KIFAP3: variants seen among roughly 807,000 people sequenced by gnomAD.
The protein encoded by KIFAP3 is kinesin-associated protein 3.
A neutral mutation model predicts 106.5 loss-of-function variants in KIFAP3; 68 were observed. The observed-to-expected ratio is 0.64, with a 90% confidence interval of 0.53 to 0.78. The LOEUF (loss-of-function observed/expected upper bound fraction) is 0.78, where lower values mean the gene tolerates loss of function less well. KIFAP3 is among the 30% of genes least tolerant of loss of function. KIFAP3 has a pLI of 0.00. For missense variants in KIFAP3, 780 were observed against 941.8 expected (o/e 0.83, Z 2.25); for synonymous variants, 320 against 311.5 (o/e 1.03, Z -0.29).
intron 1 of KIFAP3, among the ~76,000 whole-genome samples, chr1:170,064,999 G>A (rs1557876086): frequency 6.6e-6 from 1 of 152,044 alleles, no homozygotes; most frequent in Non-Finnish European, 1.5e-5. Flanking sequence ...AATTAGTTGA[G>A]GAGTATCCTT....
intron 3 of KIFAP3, chr1:170,041,949 G>A: frequency 9.9e-7 from 1 of 1,012,846 alleles, no homozygotes; most frequent in Non-Finnish European, 1.3e-6. Flanking sequence ...ATGAAACCTG[G>A]TTTTAGAGTT....
At chr1:170,006,865 A>G (rs1667992902) in intron 10 of KIFAP3, among the ~76,000 whole-genome samples, 1 of 152,166 alleles carries the variant, frequency 6.6e-6, no homozygotes, top group Non-Finnish European at 1.5e-5. Context: ...ACATCCGTAT[A>G]GGCAGAGTAT....
intron 2 of KIFAP3, among the ~76,000 whole-genome samples, chr1:170,054,305 G>A (rs961801476): frequency 2.0e-5 from 3 of 152,206 alleles, no homozygotes; most frequent in Non-Finnish European, 2.9e-5. Flanking sequence ...ACCATCTCAC[G>A]CCAGTTAGAA....
chr1:170,067,662 A>C (rs74585450), intron 1 of KIFAP3: 9,642 of 152,330 alleles, frequency 0.063, 387 homozygotes, highest in Non-Finnish European at 0.095. Context: ...CTTTGAGGTC[A>C]GCTGCAAGGG....
chr1:169,956,634 A>T (rs1665028210), intron 18 of KIFAP3, among the ~76,000 whole-genome samples: 2 of 134,592 alleles, frequency 1.5e-5, no homozygotes, highest in Non-Finnish European at 3.2e-5. Context: ...TTTTTTTTAG[A>T]CACAGGGTCT....
intron 19 of KIFAP3, among the ~76,000 whole-genome samples, chr1:169,935,599 G>C (rs1199828125): frequency 6.6e-6 from 1 of 151,894 alleles, no homozygotes; most frequent in Non-Finnish European, 1.5e-5. Flanking sequence ...AGGAAATTAT[G>C]TTCCTGTTTA....
intron 8 of KIFAP3, among the ~76,000 whole-genome samples, chr1:170,025,738 T>C (rs1320226942): frequency 2.0e-5 from 3 of 152,218 alleles, no homozygotes; most frequent in Non-Finnish European, 4.4e-5. Flanking sequence ...AATTCAAGTC[T>C]ATCAGAATCC....
chr1:170,001,266 T>C (rs1667655048), intron 10 of KIFAP3, among the ~76,000 whole-genome samples: 1 of 152,178 alleles, frequency 6.6e-6, no homozygotes, highest in African/African-American at 2.4e-5. Flanking sequence ...GACTGCTTTC[T>C]AGCCTGTATG....
rs766283329 is a variant in KIFAP3, at chr1:170,024,472, T to C, written c.966A>G (p.Leu322=). 3.1e-6 allele frequency: 5 copies of C among 1,603,198 alleles called. No individual in the cohort carries two copies. The Admixed American group carries it at 8.5e-5, about 27-fold the overall frequency. ...LDRDNFELLI[L]VVSFLKKLSI... The stretch of plus-strand genomic sequence containing the variant: ...TGAGTTTCTTCAAGAATGACACAAC[T>C]AAAATTAGCAGCTCAAAATTGTCCC... The change falls in exon 9 of 20, where the codon TTA becomes TTG. Residue 322 remains leucine (L), a synonymous_variant. Coordinates refer to ENST00000361580, the MANE Select transcript of KIFAP3 (RefSeq NM_014970.4).
chr1:169,939,493 G>A (rs1288915375), intron 19 of KIFAP3, among the ~76,000 whole-genome samples: 1 of 152,138 alleles, frequency 6.6e-6, no homozygotes, highest in East Asian at 1.9e-4. Flanking sequence ...ATAGCATAAG[G>A]AATAAGGATG....
intron 19 of KIFAP3, among the ~76,000 whole-genome samples, chr1:169,933,985 T>A (rs530482136): frequency 6.6e-6 from 1 of 152,240 alleles, no homozygotes; most frequent in East Asian, 1.9e-4. Context: ...TCTTTTAATA[T>A]CTCTATGCCT....
In KIFAP3 at chr1:169,941,909, A is replaced by C. The variant is rs1342838536; in HGVS notation, c.2273+12102T>G. Among the ~76,000 whole-genome samples, 2 of 152,236 alleles carry C rather than the reference A, an allele frequency of 1.3e-5. 1 individual carries two copies. Among genetic ancestry groups the C allele is most frequent in the Admixed American group, 1.3e-4 (2 of 15,280 alleles). ...TATGTACTTTACTATGAGGATGCAC[A>C]TATTAATGTATAAAATTCAGCTTGC... On this transcript the variant is annotated intron_variant, in intron 19 of 19. Coordinates refer to ENST00000361580, the MANE Select transcript of KIFAP3 (RefSeq NM_014970.4).
intron 1 of KIFAP3, among the ~76,000 whole-genome samples, chr1:170,082,729 T>G (rs1672040338): frequency 6.6e-6 from 1 of 152,146 alleles, no homozygotes; most frequent in African/African-American, 2.4e-5. Context: ...TCCCAGCACT[T>G]TGGGGGGCCA....
At chr1:170,040,580 A>T (rs1300009824) in intron 3 of KIFAP3, among the ~76,000 whole-genome samples, 3 of 152,204 alleles carry the variant, frequency 2.0e-5, no homozygotes, top group Non-Finnish European at 4.4e-5. Context: ...GCACTAGGAA[A>T]GATCAACTAT....
intron 9 of KIFAP3, among the ~76,000 whole-genome samples, chr1:170,019,734 T>G (rs903198449): frequency 6.6e-6 from 1 of 152,170 alleles, no homozygotes; most frequent in Admixed American, 6.5e-5. Flanking sequence ...AACATCATGC[T>G]CAATAGTGAA....
At chr1:169,936,057 A>G (rs1663782378) in intron 19 of KIFAP3, among the ~76,000 whole-genome samples, 1 of 151,920 alleles carries the variant, frequency 6.6e-6, no homozygotes, top group Non-Finnish European at 1.5e-5. Flanking sequence ...TTTTCAAATG[A>G]CCACTTTTTA....
At position 169,929,181 on chromosome 1, in the gene KIFAP3, C is replaced by T. The variant is rs147977068; in HGVS notation, c.2274-7400G>A. 1.8e-3 allele frequency among the ~76,000 whole-genome samples: 268 copies of T among 152,252 alleles called. 3 individuals are homozygous for T. The East Asian group carries it at 0.041, about 23-fold the overall frequency. ...GGATTATTAAATTTAAACTTCTCAG[C>T]ACATTTAACATTCATAGAATGTGGC... On this transcript the variant is annotated intron_variant, in intron 19 of 19. Transcript: ENST00000361580.
intron 12 of KIFAP3, among the ~76,000 whole-genome samples, chr1:169,983,722 A>G (rs1358362693): frequency 6.6e-6 from 1 of 151,928 alleles, no homozygotes; most frequent in South Asian, 2.1e-4. Flanking sequence ...TGTGCCTACA[A>G]TATCTACTAC....
rs377727840 is a variant in KIFAP3, at chr1:169,984,714, T to C, written c.1285-24A>G. The C allele has an allele frequency of 1.2e-4, 162 of 1,325,052 alleles. 1 individual carries two copies. The highest frequency in any genetic ancestry group is 3.7e-4 in the Middle Eastern group (2 of 5,398). 82.1% of individuals were successfully genotyped at this position (1,325,052 alleles called of 1,614,324 possible). A position where few individuals can be genotyped will look rare whatever the true frequency, so the allele number is the denominator to read the frequency against. The stretch of plus-strand genomic sequence containing the variant: ...AACTAGCAAGAAGCACAGGGCACAT[T>C]TTACTCAAGAAACAAAGACAAAAAA... On this transcript the variant is annotated intron_variant, in intron 11 of 19. Coordinates refer to ENST00000361580, the MANE Select transcript of KIFAP3 (RefSeq NM_014970.4).
Sources: gnomAD v4.1 joint callset for allele counts (sites outside exome capture counted in the v4.1 genomes callset) on GRCh38, gnomAD v4.1.1 for gene constraint, MANE v1.5 for transcripts, NCBI Gene and HGNC (gene_info 2026-07-23, HGNC 2026-07-21) for gene names.